The following JAKMIP2 variants were observed in gnomAD, a reference collection of about 807,000 sequenced individuals.
The protein encoded by JAKMIP2 is janus kinase and microtubule-interacting protein 2.
In JAKMIP2, 25 loss-of-function variants were observed where a neutral mutation model predicts 115.0. The ratio of observed to expected loss-of-function variants is 0.22; its 90% CI spans 0.16 to 0.30. The LOEUF (loss-of-function observed/expected upper bound fraction) is 0.30, where lower values mean the gene tolerates loss of function less well. Ranked by LOEUF, JAKMIP2 falls within the 10% of genes least tolerant of loss-of-function variation. The pLI is 1.00. For missense variants in JAKMIP2, 642 were observed against 957.6 expected, an observed-to-expected ratio of 0.67 and a Z score of 4.35; for synonymous variants, 334 against 343.6, an observed-to-expected ratio of 0.97 and a Z score of 0.31.
chr5:147,710,210 G>A (rs1452425178), intron 1 of JAKMIP2, among the ~76,000 whole-genome samples: 1 of 152,220 alleles, frequency 6.6e-6, no homozygotes, highest in African/African-American at 2.4e-5. Flanking sequence ...TACAATTACA[G>A]GGTGGATTTA....
chr5:147,695,412 G>A (rs1467491756), intron 1 of JAKMIP2, among the ~76,000 whole-genome samples: 1 of 152,206 alleles, frequency 6.6e-6, no homozygotes, highest in African/African-American at 2.4e-5. Flanking sequence ...TGGATTAATG[G>A]CTTCTGTTAG....
intron 16 of JAKMIP2, among the ~76,000 whole-genome samples, chr5:147,625,225 G>A (rs1220949715): frequency 1.3e-5 from 2 of 152,022 alleles, no homozygotes; most frequent in Non-Finnish European, 2.9e-5. Flanking sequence ...AGGCAATCCA[G>A]CCACCTCGAC....
chr5:147,636,473 C>A, intron 11 of JAKMIP2, 189 bp from the exon 12 acceptor site: 1 of 601,800 alleles, frequency 1.7e-6, no homozygotes, highest in Non-Finnish European at 3.0e-6. Context: ...GAAAATTTAA[C>A]CCCCTTTTCA....
intron 17 of JAKMIP2, among the ~76,000 whole-genome samples, chr5:147,622,207 A>G (rs1368977674): frequency 6.6e-6 from 1 of 152,242 alleles, no homozygotes; most frequent in African/African-American, 2.4e-5. Context: ...GTAAGTTAAT[A>G]ATAACCAATT....
intron 1 of JAKMIP2, among the ~76,000 whole-genome samples, chr5:147,780,937 TA>T (rs1755734372): frequency 1.3e-5 from 2 of 152,182 alleles, no homozygotes; most frequent in African/African-American, 4.8e-5. Flanking sequence ...TAATACACTT[TA>T]CCTACATAAT....
intron 2 of JAKMIP2, among the ~76,000 whole-genome samples, chr5:147,670,054 G>A (rs888001907): frequency 6.6e-5 from 10 of 152,132 alleles, no homozygotes; most frequent in Admixed American, 5.2e-4. Context: ...ATAATGCCCC[G>A]TGTCTTCTGA....
chr5:147,736,523 G>T (rs951962117), intron 1 of JAKMIP2, among the ~76,000 whole-genome samples: 1 of 152,000 alleles, frequency 6.6e-6, no homozygotes, highest in Non-Finnish European at 1.5e-5. Flanking sequence ...AAGCATTTTA[G>T]GAAGACTAAT....
At chr5:147,741,893 C>T (rs943925033) in intron 1 of JAKMIP2, among the ~76,000 whole-genome samples, 3 of 151,914 alleles carry the variant, frequency 2.0e-5, no homozygotes, top group African/African-American at 7.2e-5. Context: ...ATGTCCCAAC[C>T]TTAACAATAA....
chr5:147,751,803 G>C (rs1048301132), intron 1 of JAKMIP2, among the ~76,000 whole-genome samples: 1 of 152,130 alleles, frequency 6.6e-6, no homozygotes, highest in Admixed American at 6.5e-5. Context: ...ATAAAGGTGT[G>C]GCCTGCCCTG....
At chr5:147,681,074 C>G (rs1284652134) in intron 1 of JAKMIP2, among the ~76,000 whole-genome samples, 2 of 152,164 alleles carry the variant, frequency 1.3e-5, no homozygotes, top group Non-Finnish European at 2.9e-5. Context: ...TGTCAATACA[C>G]TGTTTCACAT....
rs552694072 is a variant in JAKMIP2 at position 147,721,333 on chromosome 5, C to T, written c.-148-49379G>A. 6.6e-5 allele frequency among the ~76,000 whole-genome samples: 10 copies of T among 152,310 alleles called. No individual in the cohort carries two copies. In the South Asian group the frequency reaches 2.1e-3, roughly 32 times the overall value. On this transcript the variant is annotated intron_variant, in intron 1 of 21. Coordinates refer to ENST00000616793, the MANE Select transcript of JAKMIP2 (RefSeq NM_001270941.2). ...CTGTGCCCTGCCCCCAGAGGTGGAG[C>T]CTACAGAGGCAGGCAAGCCTCCTTG...
At position 147,781,013 on chromosome 5, in the gene JAKMIP2, G is replaced by C. The variant is rs574866573; in HGVS notation, c.-149+1443C>G. Among the ~76,000 whole-genome samples, 4 of 152,144 alleles carry C rather than the reference G, an allele frequency of 2.6e-5. No homozygotes were observed. The East Asian group carries it at 7.7e-4, about 29-fold the overall frequency. ...CGGGAATGGAACCTCCTCATCTCAC[G>C]CATCTTTAGTCTCCTGAACTGCCTT... On this transcript the variant is annotated intron_variant, in intron 1 of 21. Coordinates refer to ENST00000616793, the MANE Select transcript of JAKMIP2 (RefSeq NM_001270941.2).
intron 13 of JAKMIP2, among the ~76,000 whole-genome samples, chr5:147,632,045 C>T (rs1757385806): frequency 6.6e-6 from 1 of 152,160 alleles, no homozygotes. Context: ...TATCAACATA[C>T]ACTGAACCAG....
intron 1 of JAKMIP2, among the ~76,000 whole-genome samples, chr5:147,694,032 G>T (rs4476710): frequency 6.6e-6 from 1 of 151,860 alleles, no homozygotes. Flanking sequence ...GTCTGCAGCT[G>T]GGCTACATCA....
chr5:147,647,973 T>C (rs1042922604), intron 5 of JAKMIP2, among the ~76,000 whole-genome samples: 4 of 152,220 alleles, frequency 2.6e-5, no homozygotes, highest in African/African-American at 9.6e-5. Flanking sequence ...TGAAAATGAA[T>C]GAATTCTACA....
intron 1 of JAKMIP2, among the ~76,000 whole-genome samples, chr5:147,674,520 G>A (rs1759818481): frequency 1.3e-5 from 2 of 152,178 alleles, no homozygotes; most frequent in Admixed American, 1.3e-4. Context: ...GAAGAGAGAC[G>A]AGGTGAGATT....
chr5:147,747,638 C>A (rs1358572012), intron 1 of JAKMIP2, among the ~76,000 whole-genome samples: 1 of 152,144 alleles, frequency 6.6e-6, no homozygotes, highest in African/African-American at 2.4e-5. Flanking sequence ...GCCATCAAAA[C>A]TACTACCTGA....
At chr5:147,598,243 C>A (rs555368130) in intron 21 of JAKMIP2, among the ~76,000 whole-genome samples, 1 of 152,262 alleles carries the variant, frequency 6.6e-6, no homozygotes, top group Non-Finnish European at 1.5e-5. Context: ...TTGTGATCTG[C>A]CAGCCTCAGC....
Position 147,671,824 on chromosome 5 carries a change from A to G in JAKMIP2, c.-18T>C. ...TTGGACATTGTTCCTTTCTAAATGGAGTCTGTTGGTTTTTAATTTCTTTCA... is the reference window on the plus strand; with the variant it reads ...TTGGACATTGTTCCTTTCTAAATGGGGTCTGTTGGTTTTTAATTTCTTTCA... On this transcript the variant is annotated 5_prime_UTR_variant, in exon 2 of 22. Transcript: ENST00000616793. 1 of 1,534,486 alleles carries G rather than the reference A, an allele frequency of 6.5e-7. No homozygotes were observed. Among genetic ancestry groups the G allele is most frequent in the Non-Finnish European group, 8.8e-7 (1 of 1,139,438 alleles).
Sources: allele counts gnomAD v4.1 joint callset (sites outside exome capture counted in the v4.1 genomes callset), GRCh38; gene constraint gnomAD v4.1.1; transcripts MANE v1.5; gene names NCBI Gene and HGNC (gene_info 2026-07-23, HGNC 2026-07-21).